The following POFUT3 variants were observed in gnomAD, a reference collection of about 807,000 sequenced individuals.
POFUT3 encodes protein O-fucosyltransferase 3, also known as GDP-fucose protein O-fucosyltransferase 3.
chr8:33,384,238 T>C, the POFUT3 span, among the ~76,000 whole-genome samples: 1 of 152,266 alleles, frequency 6.6e-6, no homozygotes, highest in South Asian at 2.1e-4. Context: ...ATGGAGGCTA[T>C]GCATGAACAG....
the POFUT3 span, among the ~76,000 whole-genome samples, chr8:33,386,784 A>G: frequency 6.6e-6 from 1 of 152,206 alleles, no homozygotes; most frequent in African/African-American, 2.4e-5. Flanking sequence ...CACTCCAGCC[A>G]GAGAGACAGA....
the POFUT3 span, among the ~76,000 whole-genome samples, chr8:33,317,126 A>G: frequency 1.3e-5 from 2 of 152,168 alleles, no homozygotes; most frequent in South Asian, 2.1e-4. Context: ...GAGCAACCTG[A>G]TAAGTAAGAA....
the POFUT3 span, among the ~76,000 whole-genome samples, chr8:33,358,985 C>G: frequency 2.0e-5 from 3 of 152,286 alleles, no homozygotes; most frequent in African/African-American, 7.2e-5. Flanking sequence ...ACTTCCCAGC[C>G]TCTAGAACTA....
chr8:33,456,450 C>T, the POFUT3 span, among the ~76,000 whole-genome samples: 3 of 151,974 alleles, frequency 2.0e-5, no homozygotes, highest in Admixed American at 6.6e-5. Context: ...CTCCTCTTCC[C>T]GAGTTCAAGT....
chr8:33,395,075 T>C, the POFUT3 span, among the ~76,000 whole-genome samples: 2 of 152,144 alleles, frequency 1.3e-5, no homozygotes, highest in Admixed American at 6.5e-5. Flanking sequence ...TGGCTTGCAA[T>C]TAGGTTTTAC....
chr8:33,342,359 C>T, the POFUT3 span, among the ~76,000 whole-genome samples: 63 of 150,912 alleles, frequency 4.2e-4, 1 homozygote, highest in East Asian at 3.7e-3. Context: ...CCTGTCCCCC[C>T]ACAAAAAAAG....
chr8:33,385,790 A>C, the POFUT3 span, among the ~76,000 whole-genome samples: 5 of 152,236 alleles, frequency 3.3e-5, no homozygotes, highest in African/African-American at 1.2e-4. Flanking sequence ...AGGCTGAGGC[A>C]GGAGAATCAC....
At chr8:33,449,418 T>C in the POFUT3 span, among the ~76,000 whole-genome samples, 3 of 150,156 alleles carry the variant, frequency 2.0e-5, no homozygotes, top group Admixed American at 1.3e-4. Flanking sequence ...GCCTACTGAG[T>C]AGCTGGGATT....
chr8:33,421,311 T>C, the POFUT3 span, among the ~76,000 whole-genome samples: 1 of 152,192 alleles, frequency 6.6e-6, no homozygotes, highest in Non-Finnish European at 1.5e-5. Context: ...TGCCCTCTAG[T>C]GTCACTTTGT....
the POFUT3 span, among the ~76,000 whole-genome samples, chr8:33,426,347 G>C: frequency 1.3e-5 from 2 of 152,156 alleles, no homozygotes; most frequent in Non-Finnish European, 2.9e-5. Context: ...TTCATTTTGG[G>C]CTAAATATTT....
chr8:33,421,036 A>C, the POFUT3 span, among the ~76,000 whole-genome samples: 1 of 152,012 alleles, frequency 6.6e-6, no homozygotes, highest in African/African-American at 2.4e-5. Flanking sequence ...GGTGGGAAGA[A>C]GAAGGGACAA....
the POFUT3 span, among the ~76,000 whole-genome samples, chr8:33,334,080 G>A: frequency 6.6e-6 from 1 of 152,064 alleles, no homozygotes; most frequent in Non-Finnish European, 1.5e-5. Context: ...TTATTCTCTT[G>A]GCCAACAAGC....
the POFUT3 span, among the ~76,000 whole-genome samples, chr8:33,366,739 A>C: frequency 6.6e-6 from 1 of 152,226 alleles, no homozygotes; most frequent in African/African-American, 2.4e-5. Flanking sequence ...TTAAAGTGAC[A>C]GGCTCACTTT....
the POFUT3 span, among the ~76,000 whole-genome samples, chr8:33,320,176 T>C: frequency 6.6e-6 from 1 of 152,010 alleles, no homozygotes; most frequent in South Asian, 2.1e-4. Context: ...GATGATTTGA[T>C]TGATGCTTTG....
At chr8:33,381,863 T>G in the POFUT3 span, among the ~76,000 whole-genome samples, 4 of 152,196 alleles carry the variant, frequency 2.6e-5, no homozygotes, top group Non-Finnish European at 5.9e-5. Flanking sequence ...CAAAGCTTAT[T>G]CCTTTAATAA....
the POFUT3 span, among the ~76,000 whole-genome samples, chr8:33,340,884 A>G: frequency 5.3e-5 from 8 of 152,322 alleles, no homozygotes; most frequent in East Asian, 1.4e-3. Flanking sequence ...GAACAACTAG[A>G]CAGAAAATAT....
the POFUT3 span, among the ~76,000 whole-genome samples, chr8:33,456,346 T>A: frequency 1.1e-4 from 16 of 152,202 alleles, no homozygotes; most frequent in East Asian, 7.7e-4. Context: ...CAACTTATTT[T>A]TTTATTTATT....
the POFUT3 span, among the ~76,000 whole-genome samples, chr8:33,424,739 C>T: frequency 6.6e-6 from 1 of 152,186 alleles, no homozygotes; most frequent in Admixed American, 6.5e-5. Flanking sequence ...GCCTGACAAA[C>T]TGGATTTGCT....
the POFUT3 span, among the ~76,000 whole-genome samples, chr8:33,402,901 T>A: frequency 6.6e-6 from 1 of 151,564 alleles, no homozygotes; most frequent in Non-Finnish European, 1.5e-5. Context: ...CTATAAACAA[T>A]TTTTTAAAAA....
Sources: gnomAD v4.1 joint callset for allele counts (sites outside exome capture counted in the v4.1 genomes callset) on GRCh38, gnomAD v4.1.1 for gene constraint, MANE v1.5 for transcripts, NCBI Gene and HGNC (gene_info 2026-07-23, HGNC 2026-07-21) for gene names.